Variants in SGK1 observed in about 807,000 individuals in gnomAD.
The protein encoded by SGK1 is serum/glucocorticoid regulated kinase 1, also known as serine/threonine-protein kinase Sgk1.
A neutral mutation model predicts 64.2 loss-of-function variants in SGK1; 26 were observed. The observed-to-expected ratio is 0.40, with a 90% CI of 0.30 to 0.56. The LOEUF is 0.56. Among genes scored for constraint, SGK1 ranks in the 20% least tolerant of loss-of-function variants. SGK1 has a pLI of 0.38. For missense variants in SGK1, 519 were observed against 645.6 expected (o/e 0.80, Z 2.12); for synonymous variants, 265 against 239.7 (o/e 1.11, Z -0.98).
intron 1 of SGK1, among the ~76,000 whole-genome samples, chr6:134,296,102 C>A (rs1490449083): frequency 6.6e-6 from 1 of 152,144 alleles, no homozygotes; most frequent in Admixed American, 6.6e-5. Context: ...TCTCAAATGT[C>A]ATCAGTCGAC....
At chr6:134,271,638 G>T (rs1776941606) in intron 1 of SGK1, among the ~76,000 whole-genome samples, 1 of 147,154 alleles carries the variant, frequency 6.8e-6, no homozygotes, top group South Asian at 2.2e-4. Context: ...AGGTTCAAGG[G>T]TACATGTGAA....
At chr6:134,174,446 G>C in intron 4 of SGK1, 65 bp downstream of exon 4, 1 of 1,186,262 alleles carries the variant, frequency 8.4e-7, no homozygotes, top group Non-Finnish European at 1.2e-6. Context: ...ACGCCGTGAT[G>C]AGAATGTTTA....
At chr6:134,219,270 C>A (rs1776039894) in intron 2 of SGK1, among the ~76,000 whole-genome samples, 1 of 151,948 alleles carries the variant, frequency 6.6e-6, no homozygotes, top group African/African-American at 2.4e-5. Context: ...CCTTGGCCTC[C>A]CAAAGTGCTG....
intron 1 of SGK1, among the ~76,000 whole-genome samples, chr6:134,266,157 G>A (rs1776851810): frequency 6.6e-6 from 1 of 151,140 alleles, no homozygotes; most frequent in African/African-American, 2.4e-5. Flanking sequence ...GCTAATTTTT[G>A]TATTTTTAGT....
intron 2 of SGK1, chr6:134,257,119 T>C (rs529181772): frequency 6.6e-6 from 1 of 152,384 alleles, no homozygotes; most frequent in African/African-American, 2.4e-5. Context: ...GGGAGACTGT[T>C]TGGGAATACC....
chr6:134,276,508 G>T (rs1408147350), intron 1 of SGK1, among the ~76,000 whole-genome samples: 3 of 152,194 alleles, frequency 2.0e-5, no homozygotes, highest in Non-Finnish European at 4.4e-5. Flanking sequence ...GACATCAAAT[G>T]ACTTGAATGT....
At chr6:134,299,736 A>G (rs891712065) in intron 1 of SGK1, among the ~76,000 whole-genome samples, 6 of 151,784 alleles carry the variant, frequency 4.0e-5, no homozygotes, top group African/African-American at 1.5e-4. Flanking sequence ...ATGCCTGTTC[A>G]TTCTAGTTTA....
rs180748595 is a variant in SGK1, at chr6:134,206,761, G to C, written c.361+595C>G. 3.1e-3 allele frequency among the ~76,000 whole-genome samples: 473 copies of C among 151,508 alleles called. 3 individuals are homozygous for C. Among genetic ancestry groups the C allele is most frequent in the African/African-American group, 9.1e-3 (374 of 41,266 alleles). On this transcript the variant is annotated intron_variant, in intron 3 of 13. Transcript: ENST00000367858. Reference sequence around the variant, plus strand: ...TCATGCCTGTAGTCCCAGCTACTTGGGGGGCTGAAGCAGGAGAATCGCTTG... The same window carrying C: ...TCATGCCTGTAGTCCCAGCTACTTGCGGGGCTGAAGCAGGAGAATCGCTTG...
intron 1 of SGK1, among the ~76,000 whole-genome samples, chr6:134,287,740 T>C (rs956809217): frequency 3.3e-5 from 5 of 152,124 alleles, no homozygotes; most frequent in African/African-American, 1.2e-4. Context: ...CATTTTAAGA[T>C]GAATTGTGTG....
At chr6:134,317,244 G>T (rs1033964896) in intron 1 of SGK1, 148 bp downstream of exon 1, 3 of 686,258 alleles carry the variant, frequency 4.4e-6, no homozygotes, top group Admixed American at 2.3e-5. Flanking sequence ...ATCAAGTCAG[G>T]TATAGTTCTC....
intron 1 of SGK1, among the ~76,000 whole-genome samples, chr6:134,263,402 T>G (rs1490155756): frequency 1.0e-5 from 1 of 97,570 alleles, no homozygotes; most frequent in Admixed American, 1.1e-4. Flanking sequence ...ACACTACTAA[T>G]TTTTTTTTTT....
Position 134,180,016 on chromosome 6 carries a change from C to T in SGK1, c.362-5430G>A, listed in dbSNP as rs114550975. Reference sequence around the variant, plus strand: ...TTGTCCAGGCTAGAGTACAGTGGTACAGTCACAGCTCACTGCAGCCTCAAC... The same window carrying T: ...TTGTCCAGGCTAGAGTACAGTGGTATAGTCACAGCTCACTGCAGCCTCAAC... On this transcript the variant is annotated intron_variant, in intron 3 of 13. Coordinates refer to ENST00000367858, the MANE Select transcript of SGK1 (RefSeq NM_001143676.3). Among the ~76,000 whole-genome samples, 745 of 152,262 alleles carry T rather than the reference C, an allele frequency of 4.9e-3. 4 individuals are homozygous for T. Among genetic ancestry groups the T allele is most frequent in the African/African-American group, 0.017 (710 of 41,542 alleles).
At chr6:134,185,231 C>A (rs956430831) in intron 3 of SGK1, among the ~76,000 whole-genome samples, 4 of 152,202 alleles carry the variant, frequency 2.6e-5, no homozygotes, top group African/African-American at 9.6e-5. Flanking sequence ...ACACAGTCAC[C>A]TCATAGACTG....
chr6:134,216,006 A>C (rs1257334485), intron 2 of SGK1, among the ~76,000 whole-genome samples: 1 of 152,152 alleles, frequency 6.6e-6, no homozygotes, highest in African/African-American at 2.4e-5. Context: ...ACAGAGCAAG[A>C]CTCCATCTCT....
intron 2 of SGK1, among the ~76,000 whole-genome samples, chr6:134,248,445 CTTTTTTTTT>C (rs34315643): frequency 9.7e-6 from 1 of 103,044 alleles, no homozygotes; most frequent in South Asian, 3.6e-4. Context: ...TCTCCTCCGC[CTTTTTTTTT>C]TTTTTTTTTT....
rs902532201 is a variant in SGK1, at chr6:134,270,379, A to T, written c.70-8231T>A. ...GCTTCTTAGGCCTTAGGAAAAAAAAAAATTCCAGAGGCTAGTGTATGGGCT... is the reference window on the plus strand; with the variant it reads ...GCTTCTTAGGCCTTAGGAAAAAAAATAATTCCAGAGGCTAGTGTATGGGCT... On this transcript the variant is annotated intron_variant, in intron 1 of 13. Coordinates refer to ENST00000367858, the MANE Select transcript of SGK1 (RefSeq NM_001143676.3). Among the ~76,000 whole-genome samples, 9 of 148,096 alleles carry T rather than the reference A, an allele frequency of 6.1e-5. 2 individuals are homozygous for T. Among genetic ancestry groups the T allele is most frequent in the Non-Finnish European group, 9.0e-5 (6 of 66,810 alleles).
At chr6:134,232,375 ACT>A (rs1186392890) in intron 2 of SGK1, among the ~76,000 whole-genome samples, 1 of 145,268 alleles carries the variant, frequency 6.9e-6, no homozygotes, top group Non-Finnish European at 1.5e-5. Flanking sequence ...ATAGAGCAAG[ACT>A]CTGTCTCAAA....
chr6:134,197,114 T>G (rs1294701345), intron 3 of SGK1, among the ~76,000 whole-genome samples: 1 of 151,992 alleles, frequency 6.6e-6, no homozygotes, highest in Non-Finnish European at 1.5e-5. Context: ...ATGCCTGTAG[T>G]CCCAGCTACT....
intron 1 of SGK1, among the ~76,000 whole-genome samples, chr6:134,316,743 C>CA (rs141130901): frequency 0.01 from 397 of 39,344 alleles, 20 homozygotes; most frequent in African/African-American, 0.011. Context: ...TGCTCTCTCC[C>CA]AAAAAAAAAA....
Sources: allele counts gnomAD v4.1 joint callset (sites outside exome capture counted in the v4.1 genomes callset), GRCh38; gene constraint gnomAD v4.1.1; transcripts MANE v1.5; gene names NCBI Gene and HGNC (gene_info 2026-07-23, HGNC 2026-07-21).